The following SLC24A3 variants were observed in gnomAD, a reference collection of about 807,000 sequenced individuals.
SLC24A3 encodes solute carrier family 24 member 3, also known as sodium/potassium/calcium exchanger 3.
SLC24A3 carries 28 observed loss-of-function variants against 75.8 expected under a neutral mutation model. The ratio of observed to expected loss-of-function variants is 0.37; its 90% confidence interval spans 0.27 to 0.51. The LOEUF is 0.51. Among genes scored for constraint, SLC24A3 ranks in the 20% least tolerant of loss-of-function variants. The probability of loss-of-function intolerance (pLI) is 0.94; values close to 1 mark genes in which losing one functional copy is unlikely to be tolerated. For synonymous variants in SLC24A3, 372 were observed against 334.1 expected, an observed-to-expected ratio of 1.11 and a Z score of -1.24; for missense variants, 663 against 847.8, an observed-to-expected ratio of 0.78 and a Z score of 2.71.
At chr20:19,435,722 G>A (rs562569632) in intron 2 of SLC24A3, among the ~76,000 whole-genome samples, 4 of 152,306 alleles carry the variant, frequency 2.6e-5, no homozygotes, top group African/African-American at 9.6e-5. Context: ...CGTCTGTCTA[G>A]TGAGAGTCTG....
At chr20:19,462,752 C>T (rs1378963692) in intron 2 of SLC24A3, among the ~76,000 whole-genome samples, 1 of 152,156 alleles carries the variant, frequency 6.6e-6, no homozygotes, top group Non-Finnish European at 1.5e-5. Context: ...TCAATGAGAC[C>T]AGAGCTGGGA....
rs761006484 is a variant in SLC24A3, at chr20:19,299,177, C to CGTGTGT, written c.271+18105_271+18110dup. Among the ~76,000 whole-genome samples the CGTGTGT allele has an allele frequency of 8.3e-3, 1,086 of 130,392 alleles. 16 individuals are homozygous for CGTGTGT. The highest frequency in any genetic ancestry group is 0.033 in the African/African-American group (1,039 of 31,726). 85.5% of individuals were successfully genotyped at this position (130,392 alleles called of 152,430 possible). The stretch of plus-strand genomic sequence containing the variant: ...AGACCACATAATAGTTCTTCCCCTT[C>CGTGTGT]GTGTGTGTGTGTGTGTGTGTATGTG... On this transcript the variant is annotated intron_variant, in intron 2 of 16. Coordinates refer to ENST00000328041, the MANE Select transcript of SLC24A3 (RefSeq NM_020689.4).
intron 2 of SLC24A3, among the ~76,000 whole-genome samples, chr20:19,291,730 C>T (rs1983946149): frequency 6.6e-6 from 1 of 152,182 alleles, no homozygotes; most frequent in African/African-American, 2.4e-5. Flanking sequence ...ACCTTTGTGC[C>T]AGGAGCTCAG....
rs569970115 is a variant in SLC24A3 at position 19,582,416 on chromosome 20, A to G, written c.423+2342A>G. ...AGAAATCCACACTGTGCAACGAATCATTGCTTGGAGGTCAGGGCAGATTCT... is the reference window on the plus strand; with the variant it reads ...AGAAATCCACACTGTGCAACGAATCGTTGCTTGGAGGTCAGGGCAGATTCT... On this transcript the variant is annotated intron_variant, in intron 4 of 16. Coordinates refer to ENST00000328041, the MANE Select transcript of SLC24A3 (RefSeq NM_020689.4). Among the ~76,000 whole-genome samples, 9 of 152,384 alleles carry G rather than the reference A, an allele frequency of 5.9e-5. No homozygotes were observed. In the East Asian group the frequency reaches 1.7e-3, roughly 29 times the overall value.
rs6035407 is a variant in SLC24A3 at position 19,665,208 on chromosome 20, G to T, written c.688-656G>T. 7.0e-3 allele frequency among the ~76,000 whole-genome samples: 1,065 copies of T among 152,276 alleles called. 17 individuals are homozygous for T. Among genetic ancestry groups the T allele is most frequent in the African/African-American group, 0.024 (1,011 of 41,550 alleles). ...ATAATCTTCCTTAGTGAAAGGGCAG[G>T]ACCATGCCCAGGGCTTGGGCGCCAA... On this transcript the variant is annotated intron_variant, in intron 7 of 16. Coordinates refer to ENST00000328041, the MANE Select transcript of SLC24A3 (RefSeq NM_020689.4).
In SLC24A3 at chr20:19,681,863, A is replaced by G. The variant is rs1321275465; in HGVS notation, c.773A>G (p.Asn258Ser). The change falls in exon 10 of 17, where the codon AAC becomes AGC. Residue 258 changes from asparagine (N) to serine (S), a missense_variant. Transcript: ENST00000328041. ...YLIYIVIMKY[N>S]ACIHQCFERR... is the part of the protein sequence containing the mutation. ...CCACTTGTCGCTTTGCTCAGATATA[A>G]CGCTTGCATACATCAGTGCTTTGAG... 1.2e-6 allele frequency: 2 copies of G among 1,614,142 alleles called. No individual in the cohort carries two copies.
intron 7 of SLC24A3, among the ~76,000 whole-genome samples, chr20:19,656,189 G>A (rs1204143491): frequency 6.6e-6 from 1 of 152,166 alleles, no homozygotes; most frequent in African/African-American, 2.4e-5. Flanking sequence ...AGCAGTTTCT[G>A]ACACTGAAAA....
At chr20:19,670,660 C>G (rs959689967) in intron 8 of SLC24A3, among the ~76,000 whole-genome samples, 1 of 152,214 alleles carries the variant, frequency 6.6e-6, no homozygotes, top group Non-Finnish European at 1.5e-5. Context: ...CCCTTCAGAA[C>G]CTGGGAGCCT....
chr20:19,631,835 A>G (rs1038920637), intron 6 of SLC24A3, among the ~76,000 whole-genome samples: 1 of 128,594 alleles, frequency 7.8e-6, no homozygotes, highest in Non-Finnish European at 1.7e-5. Flanking sequence ...TGTAACCACA[A>G]TTTTTTAAAA....
intron 2 of SLC24A3, among the ~76,000 whole-genome samples, chr20:19,329,914 A>T (rs891041484): frequency 1.2e-4 from 18 of 152,138 alleles, no homozygotes; most frequent in African/African-American, 4.3e-4. Context: ...GAGCTGATGT[A>T]TGTGAAATTT....
At chr20:19,679,866 C>T (rs1021111657) in intron 9 of SLC24A3, among the ~76,000 whole-genome samples, 5 of 147,706 alleles carry the variant, frequency 3.4e-5, no homozygotes, top group African/African-American at 1.3e-4. Flanking sequence ...TATGTGTGTG[C>T]ATGTGTGTGT....
intron 2 of SLC24A3, among the ~76,000 whole-genome samples, chr20:19,294,271 CT>C (rs1464984107): frequency 1.1e-4 from 17 of 152,074 alleles, no homozygotes; most frequent in Admixed American, 1.1e-3. Context: ...TCAATAAACA[CT>C]TTTTTTCTTT....
intron 2 of SLC24A3, among the ~76,000 whole-genome samples, chr20:19,281,309 A>G (rs1373389837): frequency 2.0e-5 from 3 of 152,186 alleles, no homozygotes; most frequent in East Asian, 3.8e-4. Flanking sequence ...TAAGTCAGAG[A>G]CAGTGACACT....
At chr20:19,568,235 C>T (rs1196187349) in intron 3 of SLC24A3, among the ~76,000 whole-genome samples, 1 of 152,138 alleles carries the variant, frequency 6.6e-6, no homozygotes, top group African/African-American at 2.4e-5. Flanking sequence ...GGCAGTTTCT[C>T]AAATGATTTA....
intron 2 of SLC24A3, among the ~76,000 whole-genome samples, chr20:19,476,894 T>G (rs1263495372): frequency 6.6e-6 from 1 of 152,026 alleles, no homozygotes; most frequent in Non-Finnish European, 1.5e-5. Flanking sequence ...TTTGCCCTCC[T>G]CTCTCTTCTG....
chr20:19,422,993 T>C (rs1349046126), intron 2 of SLC24A3, among the ~76,000 whole-genome samples: 1 of 152,236 alleles, frequency 6.6e-6, no homozygotes, highest in Admixed American at 6.5e-5. Context: ...ACTCTGCTGA[T>C]CAGTGATGCT....
intron 2 of SLC24A3, among the ~76,000 whole-genome samples, chr20:19,359,241 CTG>C (rs1985743581): frequency 1.3e-5 from 2 of 152,312 alleles, no homozygotes; most frequent in African/African-American, 4.8e-5. Flanking sequence ...TCTTGATGAA[CTG>C]TGTCCCCAAT....
chr20:19,234,436 TG>T (rs1982108816), intron 1 of SLC24A3, among the ~76,000 whole-genome samples: 1 of 152,270 alleles, frequency 6.6e-6, no homozygotes, highest in Admixed American at 6.5e-5. Context: ...GCATATGGTT[TG>T]CTCCTTGCAT....
intron 2 of SLC24A3, among the ~76,000 whole-genome samples, chr20:19,450,304 G>A (rs1268265285): frequency 6.6e-6 from 1 of 152,206 alleles, no homozygotes; most frequent in Non-Finnish European, 1.5e-5. Flanking sequence ...TCTCATGTAG[G>A]ATGGGGTTGC....
Sources: gnomAD v4.1 joint callset for allele counts (sites outside exome capture counted in the v4.1 genomes callset) on GRCh38, gnomAD v4.1.1 for gene constraint, MANE v1.5 for transcripts, NCBI Gene and HGNC (gene_info 2026-07-23, HGNC 2026-07-21) for gene names.